Variants in HS3ST3A1 observed in about 807,000 individuals in gnomAD.
The protein encoded by HS3ST3A1 is heparan sulfate-glucosamine 3-sulfotransferase 3A1.
Under a neutral mutation model 25.7 loss-of-function variants are expected in HS3ST3A1, and 19 were observed. That is an observed-to-expected ratio of 0.74 (90% CI 0.52 to 1.08). The LOEUF (loss-of-function observed/expected upper bound fraction) is 1.08. Among genes scored for constraint, HS3ST3A1 ranks in the 50% least tolerant of loss-of-function variants. HS3ST3A1 has a pLI of 0.00. For synonymous variants in HS3ST3A1, 226 were observed against 278.6 expected (o/e 0.81, Z 1.88); for missense variants, 459 against 594.3 (o/e 0.77, Z 2.37).
chr17:13,595,949 C>T (rs1427938028), intron 1 of HS3ST3A1, among the ~76,000 whole-genome samples: 1 of 151,994 alleles, frequency 6.6e-6, no homozygotes, highest in Non-Finnish European at 1.5e-5. Flanking sequence ...TGAGGTTAGC[C>T]CCTATTGTCA....
intron 1 of HS3ST3A1, among the ~76,000 whole-genome samples, chr17:13,540,477 T>G (rs2142343366): frequency 6.6e-6 from 1 of 152,356 alleles, no homozygotes; most frequent in Middle Eastern, 3.4e-3. Flanking sequence ...TATGATTTGA[T>G]GGACTAAAAA....
At chr17:13,525,077 T>C (rs1001328498) in intron 1 of HS3ST3A1, among the ~76,000 whole-genome samples, 1 of 152,208 alleles carries the variant, frequency 6.6e-6, no homozygotes, top group Non-Finnish European at 1.5e-5. Context: ...TTGGAGTATG[T>C]ATGTATGAGT....
At chr17:13,538,577 G>T (rs566012894) in intron 1 of HS3ST3A1, among the ~76,000 whole-genome samples, 100 of 152,228 alleles carry the variant, frequency 6.6e-4, no homozygotes, top group Non-Finnish European at 1.2e-3. Flanking sequence ...CCGAATGCCA[G>T]CATAATACTC....
intron 1 of HS3ST3A1, among the ~76,000 whole-genome samples, chr17:13,576,500 G>A (rs1030599103): frequency 2.6e-5 from 4 of 152,218 alleles, no homozygotes; most frequent in African/African-American, 9.6e-5. Context: ...CAAGCCAAGC[G>A]TGGAAGATAC....
Position 13,557,712 on chromosome 17 carries a change from C to T in HS3ST3A1, c.599+42819G>A, listed in dbSNP as rs73978691. 2.4e-3 allele frequency among the ~76,000 whole-genome samples: 369 copies of T among 152,280 alleles called. 3 individuals carry two copies. Among genetic ancestry groups the T allele is most frequent in the African/African-American group, 8.3e-3 (345 of 41,562 alleles). ...TCATTGTGGAGGCCAAGCTTGAAGC[C>T]ATCTCCTCTCAAGCTGCAGAGAAAA... On this transcript the variant is annotated intron_variant, in intron 1 of 1. Coordinates refer to ENST00000284110, the MANE Select transcript of HS3ST3A1 (RefSeq NM_006042.3).
chr17:13,556,671 G>A (rs936062708), intron 1 of HS3ST3A1, among the ~76,000 whole-genome samples: 4 of 151,696 alleles, frequency 2.6e-5, no homozygotes, highest in African/African-American at 9.7e-5. Flanking sequence ...GGCCAACATG[G>A]TGAAACCCTG....
intron 1 of HS3ST3A1, among the ~76,000 whole-genome samples, chr17:13,575,888 T>A (rs1907936241): frequency 6.6e-6 from 1 of 152,236 alleles, no homozygotes. Context: ...AACAGCATAT[T>A]CACGGCAAGT....
intron 1 of HS3ST3A1, among the ~76,000 whole-genome samples, chr17:13,533,797 C>T (rs1049503065): frequency 2.0e-5 from 3 of 152,074 alleles, no homozygotes; most frequent in African/African-American, 7.2e-5. Context: ...TCTTTTCTTG[C>T]TTGTTTAAAA....
chr17:13,595,764 C>T (rs756010677), intron 1 of HS3ST3A1, among the ~76,000 whole-genome samples: 1 of 152,114 alleles, frequency 6.6e-6, no homozygotes, highest in East Asian at 1.9e-4. Flanking sequence ...ATCAAGTTCC[C>T]GACTGGGCCC....
At chr17:13,589,832 G>A (rs966628096) in intron 1 of HS3ST3A1, among the ~76,000 whole-genome samples, 3 of 152,154 alleles carry the variant, frequency 2.0e-5, no homozygotes, top group South Asian at 2.1e-4. Context: ...AGTTAGCTCC[G>A]GGAATGTAAC....
chr17:13,550,388 G>A lies in HS3ST3A1; in HGVS notation c.599+50143C>T, dbSNP rs111506845. Among the ~76,000 whole-genome samples the A allele has an allele frequency of 7.2e-4, 109 of 152,152 alleles. 1 individual carries two copies. Among genetic ancestry groups the A allele is most frequent in the African/African-American group, 2.5e-3 (105 of 41,514 alleles). On this transcript the variant is annotated intron_variant, in intron 1 of 1. Transcript: ENST00000284110. ...CCAAGGAAATTACAGTAGAGATGAC[G>A]TGCATTGCTTCTTAGTCTGGTCTTT...
At chr17:13,539,307 C>T (rs1362068922) in intron 1 of HS3ST3A1, among the ~76,000 whole-genome samples, 6 of 152,188 alleles carry the variant, frequency 3.9e-5, no homozygotes, top group Non-Finnish European at 8.8e-5. Context: ...AATTAGATTC[C>T]ATGATTCCGT....
intron 1 of HS3ST3A1, among the ~76,000 whole-genome samples, chr17:13,501,304 G>A (rs1219929419): frequency 6.6e-6 from 1 of 150,880 alleles, no homozygotes; most frequent in Non-Finnish European, 1.5e-5. Flanking sequence ...ATAACAACGT[G>A]TATGTACTTA....
intron 1 of HS3ST3A1, among the ~76,000 whole-genome samples, chr17:13,524,490 C>T (rs1365022650): frequency 6.6e-6 from 1 of 152,152 alleles, no homozygotes; most frequent in Admixed American, 6.5e-5. Context: ...TGGTGAGCTG[C>T]CTGCCTCAGC....
intron 1 of HS3ST3A1, among the ~76,000 whole-genome samples, chr17:13,579,511 GC>G (rs1195352713): frequency 6.6e-6 from 1 of 151,752 alleles, no homozygotes; most frequent in Non-Finnish European, 1.5e-5. Context: ...GACCAACCTG[GC>G]CAACATGGTG....
chr17:13,564,666 T>C (rs1907631937), intron 1 of HS3ST3A1, among the ~76,000 whole-genome samples: 1 of 151,874 alleles, frequency 6.6e-6, no homozygotes, highest in Non-Finnish European at 1.5e-5. Flanking sequence ...TCCCTGAATG[T>C]AGAACCCACA....
At chr17:13,547,326 G>A (rs1907118137) in intron 1 of HS3ST3A1, among the ~76,000 whole-genome samples, 1 of 152,148 alleles carries the variant, frequency 6.6e-6, no homozygotes, top group African/African-American at 2.4e-5. Context: ...GATGGTTGGG[G>A]GGCCCCTAGA....
At chr17:13,558,941 T>C (rs1488413541) in intron 1 of HS3ST3A1, among the ~76,000 whole-genome samples, 1 of 152,186 alleles carries the variant, frequency 6.6e-6, no homozygotes, top group Admixed American at 6.5e-5. Flanking sequence ...AGGCTTGAGC[T>C]CAGGAATAAT....
At chr17:13,498,250 C>T (rs1567607174) in intron 1 of HS3ST3A1, among the ~76,000 whole-genome samples, 1 of 152,132 alleles carries the variant, frequency 6.6e-6, no homozygotes, top group African/African-American at 2.4e-5. Context: ...ATCTGATGGC[C>T]CCGATACTTC....
Sources: allele counts gnomAD v4.1 joint callset (sites outside exome capture counted in the v4.1 genomes callset), GRCh38; gene constraint gnomAD v4.1.1; transcripts MANE v1.5; gene names NCBI Gene and HGNC (gene_info 2026-07-23, HGNC 2026-07-21).